Variants in FAM227B observed in about 807,000 individuals in gnomAD.
The protein encoded by FAM227B is protein FAM227B.
A neutral mutation model predicts 73.8 loss-of-function variants in FAM227B; 88 were observed. The ratio of observed to expected loss-of-function variants is 1.19; its 90% confidence interval spans 1.00 to 1.42. The LOEUF (loss-of-function observed/expected upper bound fraction) is 1.42, where lower values mean the gene tolerates loss of function less well. Among genes scored for constraint, FAM227B ranks in the 40% most tolerant of loss-of-function variants. The pLI, the probability that FAM227B is intolerant of heterozygous loss-of-function variation, is 0.00. For synonymous variants in FAM227B, 210 were observed against 190.5 expected (o/e 1.10, Z -0.84); for missense variants, 632 against 590.9 (o/e 1.07, Z -0.72).
At chr15:49,375,827 T>A (rs1292891693) in intron 11 of FAM227B, among the ~76,000 whole-genome samples, 1 of 152,124 alleles carries the variant, frequency 6.6e-6, no homozygotes, top group Non-Finnish European at 1.5e-5. Flanking sequence ...CTAATTTAAT[T>A]GTATGTGGAG....
intron 13 of FAM227B, among the ~76,000 whole-genome samples, chr15:49,356,018 T>C (rs1440273443): frequency 6.6e-6 from 1 of 151,690 alleles, no homozygotes; most frequent in Non-Finnish European, 1.5e-5. Flanking sequence ...AGAAATAAAA[T>C]ACTTTACAGA....
At chr15:49,471,639 T>C (rs1005016149) in intron 11 of FAM227B, among the ~76,000 whole-genome samples, 9 of 152,094 alleles carry the variant, frequency 5.9e-5, no homozygotes, top group African/African-American at 2.2e-4. Context: ...TGGAAAGTTA[T>C]GATTTTCTAA....
chr15:49,500,926 G>A (rs534407589), intron 11 of FAM227B, among the ~76,000 whole-genome samples: 59 of 152,212 alleles, frequency 3.9e-4, no homozygotes, highest in African/African-American at 1.4e-3. Context: ...TCCTGCTTTT[G>A]CCATGTGACA....
At chr15:49,349,887 G>A (rs1042497878) in intron 13 of FAM227B, among the ~76,000 whole-genome samples, 11 of 151,920 alleles carry the variant, frequency 7.2e-5, no homozygotes, top group African/African-American at 2.2e-4. Context: ...AAAATAACCC[G>A]AAACTAGAAT....
chr15:49,422,710 T>C, intron 11 of FAM227B: 2 of 1,272,826 alleles, frequency 1.6e-6, no homozygotes, highest in Admixed American at 2.0e-5. Context: ...CTTCTCACTT[T>C]CAGCCTAGGA....
intron 11 of FAM227B, among the ~76,000 whole-genome samples, chr15:49,414,050 C>T (rs2049047764): frequency 6.6e-6 from 1 of 151,942 alleles, no homozygotes; most frequent in South Asian, 2.1e-4. Context: ...CTATTATCCA[C>T]CCCCTCCTCC....
At chr15:49,491,721 GCACA>G (rs576261502) in intron 11 of FAM227B, among the ~76,000 whole-genome samples, 7 of 131,924 alleles carry the variant, frequency 5.3e-5, no homozygotes, top group African/African-American at 2.2e-4. Context: ...ACACACATAT[GCACA>G]CACACACACA....
intron 11 of FAM227B, among the ~76,000 whole-genome samples, chr15:49,499,165 C>CAAAAAA (rs11355557): frequency 1.3e-4 from 7 of 53,030 alleles, no homozygotes; most frequent in Admixed American, 2.8e-4. Context: ...GACTCCGTCT[C>CAAAAAA]AAAAAAAAAA....
intron 11 of FAM227B, among the ~76,000 whole-genome samples, chr15:49,469,655 G>T (rs1567337793): frequency 6.6e-6 from 1 of 151,890 alleles, no homozygotes; most frequent in Non-Finnish European, 1.5e-5. Context: ...TTACTATAAG[G>T]CAGACAAAAA....
intron 9 of FAM227B, among the ~76,000 whole-genome samples, chr15:49,559,381 T>C (rs1421833004): frequency 6.6e-6 from 1 of 152,076 alleles, no homozygotes; most frequent in African/African-American, 2.4e-5. Context: ...GGTACTCCAA[T>C]GTCCAGTCCT....
chr15:49,594,075 T>C (rs2076748627), intron 3 of FAM227B, among the ~76,000 whole-genome samples: 1 of 152,064 alleles, frequency 6.6e-6, no homozygotes, highest in Non-Finnish European at 1.5e-5. Context: ...ATTTCCACCA[T>C]ATCCACAACT....
At position 49,508,263 on chromosome 15, in the gene FAM227B, A is replaced by C. The variant is rs144093190; in HGVS notation, c.960T>G (p.Pro320=). ...TTTIHGSKKA[P]AKSVKERIAD... The stretch of plus-strand genomic sequence containing the variant: ...CAATTCTTTCCTTTACTGATTTTGC[A>C]GGTGCTTTTTTGCTACCATGAATGG... Residue 320 remains proline (P), a synonymous_variant, in exon 11 of 16, where the codon CCT becomes CCG. Transcript: ENST00000299338. 5.4e-5 allele frequency: 87 copies of C among 1,611,016 alleles called. No homozygotes were observed. The highest frequency in any genetic ancestry group is 7.0e-5 in the Non-Finnish European group (83 of 1,178,720).
chr15:49,473,318 C>A (rs1412354705), intron 11 of FAM227B, among the ~76,000 whole-genome samples: 2 of 151,918 alleles, frequency 1.3e-5, no homozygotes, highest in African/African-American at 4.8e-5. Context: ...AAATTTATAA[C>A]CTTAACAAAC....
intron 7 of FAM227B, among the ~76,000 whole-genome samples, chr15:49,575,406 C>G (rs1169145509): frequency 6.6e-6 from 1 of 151,670 alleles, no homozygotes; most frequent in South Asian, 2.1e-4. Context: ...TAGTACTAGG[C>G]ATTTGAAATA....
At chr15:49,468,244 A>T (rs1453105608) in intron 11 of FAM227B, among the ~76,000 whole-genome samples, 1 of 152,156 alleles carries the variant, frequency 6.6e-6, no homozygotes, top group Non-Finnish European at 1.5e-5. Flanking sequence ...TTTATTCCCT[A>T]ATAATGAGGA....
intron 11 of FAM227B, among the ~76,000 whole-genome samples, chr15:49,469,733 C>G (rs975683154): frequency 4.6e-5 from 7 of 152,088 alleles, no homozygotes; most frequent in South Asian, 2.1e-4. Context: ...TCTTCATTAT[C>G]AAGACACTGG....
intron 10 of FAM227B, among the ~76,000 whole-genome samples, chr15:49,519,017 C>A (rs1597819936): frequency 6.6e-6 from 1 of 152,222 alleles, no homozygotes; most frequent in South Asian, 2.1e-4. Flanking sequence ...TTGGTAAATA[C>A]ACCTGTTCCA....
intron 13 of FAM227B, among the ~76,000 whole-genome samples, chr15:49,354,603 C>T (rs908966496): frequency 1.6e-4 from 24 of 152,318 alleles, no homozygotes; most frequent in African/African-American, 4.8e-4. Flanking sequence ...CCTACGCCCA[C>T]GGAGTCTCGC....
intron 11 of FAM227B, among the ~76,000 whole-genome samples, chr15:49,417,504 A>C (rs890169940): frequency 3.3e-5 from 5 of 152,182 alleles, no homozygotes; most frequent in African/African-American, 1.2e-4. Flanking sequence ...GAATGAGCCC[A>C]GAAATAAGGC....
Sources: gnomAD v4.1 joint callset for allele counts (sites outside exome capture counted in the v4.1 genomes callset) on GRCh38, gnomAD v4.1.1 for gene constraint, MANE v1.5 for transcripts, NCBI Gene and HGNC (gene_info 2026-07-23, HGNC 2026-07-21) for gene names.